Variants in VWA8 observed in about 807,000 individuals in gnomAD.
VWA8 encodes von Willebrand factor A domain-containing protein 8.
Under a neutral mutation model 241.5 loss-of-function variants are expected in VWA8, and 221 were observed. The observed-to-expected ratio is 0.91, with a 90% CI of 0.82 to 1.02. VWA8 has a LOEUF of 1.02. Ranked by LOEUF, VWA8 falls within the 50% of genes least tolerant of loss-of-function variation. VWA8 has a pLI of 0.00. For synonymous variants in VWA8, 852 were observed against 827.1 expected (o/e 1.03, Z -0.52); for missense variants, 2,322 against 2,328.7 (o/e 1.00, Z 0.06).
intron 40 of VWA8, among the ~76,000 whole-genome samples, chr13:41,594,909 G>A (rs2044478621): frequency 6.6e-6 from 1 of 152,184 alleles, no homozygotes; most frequent in South Asian, 2.1e-4. Context: ...ATTCCCCCAA[G>A]GGGAAGAATT....
intron 1 of VWA8, among the ~76,000 whole-genome samples, chr13:41,953,911 G>A (rs1242817314): frequency 6.6e-6 from 1 of 152,150 alleles, no homozygotes; most frequent in Non-Finnish European, 1.5e-5. Context: ...AAGGTAACTG[G>A]AAAATCCCCA....
Position 41,875,381 on chromosome 13 carries a change from C to G in VWA8, c.1081-6904G>C, listed in dbSNP as rs567644202. On this transcript the variant is annotated intron_variant, in intron 9 of 44. Transcript: ENST00000379310. ...ACTCCACATTTTTTGTCCCTTCTGCCTATAAAAATGTTTGTCTCCCCATTC... is the reference window on the plus strand; with the variant it reads ...ACTCCACATTTTTTGTCCCTTCTGCGTATAAAAATGTTTGTCTCCCCATTC... 2.6e-5 allele frequency among the ~76,000 whole-genome samples: 4 copies of G among 152,140 alleles called. No individual in the cohort carries two copies. The South Asian group carries it at 8.3e-4, about 32-fold the overall frequency.
Position 41,887,479 on chromosome 13 carries a change from C to A in VWA8, c.652-118G>T, listed in dbSNP as rs114709109. 1.3e-4 allele frequency: 145 copies of A among 1,133,924 alleles called. No individual in the cohort carries two copies. The African/African-American group carries it at 2.3e-3, about 18-fold the overall frequency. The allele number at this position is 1,133,924 out of a possible 1,614,324, so 70.2% of individuals were successfully genotyped here. On this transcript the variant is annotated intron_variant, in intron 5 of 44. Coordinates refer to ENST00000379310, the MANE Select transcript of VWA8 (RefSeq NM_015058.2). ...TGAGAAAACTGTATTGGAGAACACT[C>A]TCAAATCCATACTGTCAAGGAAGGC...
intron 37 of VWA8, among the ~76,000 whole-genome samples, chr13:41,663,102 G>C (rs1434248928): frequency 1.3e-5 from 2 of 152,076 alleles, no homozygotes; most frequent in African/African-American, 4.8e-5. Flanking sequence ...ATTCTGTCCA[G>C]GTTTTATAGC....
chr13:41,605,773 A>G (rs1473053601), intron 39 of VWA8, among the ~76,000 whole-genome samples: 1 of 152,148 alleles, frequency 6.6e-6, no homozygotes, highest in African/African-American at 2.4e-5. Flanking sequence ...ATAACAGTTC[A>G]AGCCTAAAGA....
chr13:41,626,457 C>A (rs866196628), intron 37 of VWA8, among the ~76,000 whole-genome samples: 6 of 152,168 alleles, frequency 3.9e-5, no homozygotes, highest in African/African-American at 7.2e-5. Context: ...AGCCAAACAG[C>A]CAAAACAATC....
chr13:41,619,717 A>G (rs2044644560), intron 37 of VWA8, among the ~76,000 whole-genome samples: 2 of 152,096 alleles, frequency 1.3e-5, no homozygotes, highest in Non-Finnish European at 1.5e-5. Flanking sequence ...TTCTGCATCT[A>G]TTGAGATAAT....
At chr13:41,868,515 AT>A in intron 9 of VWA8, 38 bp from the exon 10 acceptor site, 2 of 1,592,352 alleles carry the variant, frequency 1.3e-6, no homozygotes, top group Non-Finnish European at 1.7e-6. Context: ...TTTACTTTTC[AT>A]TTTAGCATTA....
At chr13:41,855,229 A>G (rs961814686) in intron 12 of VWA8, among the ~76,000 whole-genome samples, 4 of 151,176 alleles carry the variant, frequency 2.6e-5, no homozygotes, top group Admixed American at 2.0e-4. Flanking sequence ...AGCACCAGAA[A>G]TAAAGCTACT....
intron 14 of VWA8, among the ~76,000 whole-genome samples, chr13:41,827,707 A>G (rs1323725192): frequency 1.3e-5 from 2 of 152,228 alleles, no homozygotes; most frequent in African/African-American, 4.8e-5. Flanking sequence ...CCTAGTTTGT[A>G]TTTATGAGAG....
At chr13:41,778,905 G>A (rs1213628097) in intron 19 of VWA8, among the ~76,000 whole-genome samples, 1 of 132,196 alleles carries the variant, frequency 7.6e-6, no homozygotes. Context: ...GCAGTGGCGC[G>A]ATCTCGGCTC....
intron 9 of VWA8, among the ~76,000 whole-genome samples, chr13:41,877,070 T>G (rs1437702427): frequency 6.6e-6 from 1 of 152,068 alleles, no homozygotes; most frequent in Non-Finnish European, 1.5e-5. Context: ...TATTTTCAAG[T>G]CTGCTAGATA....
intron 26 of VWA8, among the ~76,000 whole-genome samples, chr13:41,716,838 T>C (rs908050946): frequency 1.3e-5 from 2 of 152,012 alleles, no homozygotes; most frequent in African/African-American, 4.8e-5. Context: ...CCACTAACAG[T>C]AGCTGCAGAG....
At chr13:41,880,551 G>A (rs1034097190) in intron 9 of VWA8, among the ~76,000 whole-genome samples, 3 of 152,126 alleles carry the variant, frequency 2.0e-5, no homozygotes, top group Admixed American at 6.5e-5. Context: ...ATTTAATTCA[G>A]GAACATATGA....
rs1566416723 is a variant in VWA8 at position 41,691,400 on chromosome 13, GGTGT to G, written c.3782_3785del (p.His1261ProfsTer14). 1 of 1,612,800 alleles carries G rather than the reference GGTGT, an allele frequency of 6.2e-7. No homozygotes were observed. Among genetic ancestry groups the G allele is most frequent in the South Asian group, 1.1e-5 (1 of 91,044 alleles). On this transcript the variant is annotated frameshift_variant, in exon 32 of 45. Coordinates refer to ENST00000379310, the MANE Select transcript of VWA8 (RefSeq NM_015058.2). LOFTEE classifies it high-confidence loss of function. ...TCTTGAGGTTGATGGGAAGTGAGAT[GGTGT>G]GAGTTCGCCCTTCTAGAACATCCAG...
intron 9 of VWA8, among the ~76,000 whole-genome samples, chr13:41,869,400 A>G (rs1030680013): frequency 6.6e-6 from 1 of 152,030 alleles, no homozygotes; most frequent in African/African-American, 2.4e-5. Context: ...TTGGGACGCC[A>G]AGGCAAGCGG....
chr13:41,781,154 T>A (rs1868868010), intron 19 of VWA8, among the ~76,000 whole-genome samples: 1 of 152,172 alleles, frequency 6.6e-6, no homozygotes, highest in Non-Finnish European at 1.5e-5. Flanking sequence ...AATCTTTCAA[T>A]AACTTCCTCA....
At position 41,570,715 on chromosome 13, in the gene VWA8, A is replaced by T; in HGVS notation, c.5371-9T>A. Reference sequence around the variant, plus strand: ...GAGTGGGCATGCATTGTCTGGAGGTAAAAGAAGTTGCACAAAAGCCATGGC... The same window carrying T: ...GAGTGGGCATGCATTGTCTGGAGGTTAAAGAAGTTGCACAAAAGCCATGGC... On this transcript the variant is annotated splice_polypyrimidine_tract_variant and intron_variant, in intron 43 of 44. Transcript: ENST00000379310. The T allele has an allele frequency of 6.2e-7, 1 of 1,605,818 alleles. No homozygotes were observed. Among genetic ancestry groups the T allele is most frequent in the South Asian group, 1.1e-5 (1 of 90,138 alleles).
At chr13:41,943,446 C>T (rs922429821) in intron 2 of VWA8, among the ~76,000 whole-genome samples, 1 of 152,050 alleles carries the variant, frequency 6.6e-6, no homozygotes, top group African/African-American at 2.4e-5. Flanking sequence ...AGGAAAAAAA[C>T]ACAGAATGTC....
Sources: allele counts gnomAD v4.1 joint callset (sites outside exome capture counted in the v4.1 genomes callset), GRCh38; gene constraint gnomAD v4.1.1; transcripts MANE v1.5; gene names NCBI Gene and HGNC (gene_info 2026-07-23, HGNC 2026-07-21).